The following CEP128 variants were observed in gnomAD, a reference collection of about 807,000 sequenced individuals.
CEP128 encodes centrosomal protein 128kDa.
In CEP128, 132 loss-of-function variants were observed where a neutral mutation model predicts 156.7. The ratio of observed to expected loss-of-function variants is 0.84; its 90% CI spans 0.73 to 0.97. The LOEUF (loss-of-function observed/expected upper bound fraction) is 0.97, where lower values mean the gene tolerates loss of function less well. CEP128 is among the 50% of genes least tolerant of loss of function. CEP128 has a pLI of 0.00. For synonymous variants in CEP128, 469 were observed against 448.9 expected (o/e 1.04, Z -0.57); for missense variants, 1,252 against 1,281.9 (o/e 0.98, Z 0.36).
chr14:80,513,021 T>C (rs1052985221), intron 23 of CEP128, among the ~76,000 whole-genome samples: 7 of 152,124 alleles, frequency 4.6e-5, no homozygotes, highest in African/African-American at 1.7e-4. Context: ...GTAATTGCAG[T>C]GTTATAATGT....
At chr14:80,571,336 T>A (rs1483158773) in intron 20 of CEP128, among the ~76,000 whole-genome samples, 5 of 152,338 alleles carry the variant, frequency 3.3e-5, no homozygotes, top group East Asian at 3.9e-4. Flanking sequence ...CAGAATGTAG[T>A]AAAGGCATGG....
chr14:80,884,983 C>T (rs1278808630), intron 8 of CEP128, among the ~76,000 whole-genome samples: 1 of 152,188 alleles, frequency 6.6e-6, no homozygotes, highest in Non-Finnish European at 1.5e-5. Context: ...ATTACTGAGG[C>T]TAGAGTAGGC....
intron 8 of CEP128, among the ~76,000 whole-genome samples, chr14:80,891,381 G>T (rs1190034486): frequency 6.6e-6 from 1 of 151,982 alleles, no homozygotes; most frequent in Non-Finnish European, 1.5e-5. Context: ...CCAAAAAAAA[G>T]ATGAGGTCCT....
intron 19 of CEP128, among the ~76,000 whole-genome samples, chr14:80,717,996 T>A (rs115896035): frequency 2.0e-5 from 3 of 151,790 alleles, no homozygotes; most frequent in African/African-American, 7.3e-5. Flanking sequence ...TGTGTGTGTA[T>A]GTGTATGTGT....
At chr14:80,883,593 A>G (rs1360988605) in intron 8 of CEP128, among the ~76,000 whole-genome samples, 1 of 152,132 alleles carries the variant, frequency 6.6e-6, no homozygotes, top group East Asian at 1.9e-4. Context: ...TTAAAGAGAA[A>G]CCATTAAAAA....
chr14:80,864,759 G>A (rs767228296), intron 8 of CEP128, among the ~76,000 whole-genome samples: 2 of 152,094 alleles, frequency 1.3e-5, no homozygotes, highest in Non-Finnish European at 2.9e-5. Flanking sequence ...GTTTCACCAT[G>A]TCGGCCAGGA....
intron 19 of CEP128, among the ~76,000 whole-genome samples, chr14:80,700,937 G>C (rs184181580): frequency 3.9e-5 from 6 of 152,290 alleles, no homozygotes; most frequent in East Asian, 1.9e-4. Flanking sequence ...ACATATAGGA[G>C]AGTCTGCTCC....
intron 19 of CEP128, among the ~76,000 whole-genome samples, chr14:80,692,922 G>A (rs79129779): frequency 0.038 from 5,841 of 152,166 alleles, 223 homozygotes; most frequent in African/African-American, 0.098. Flanking sequence ...TATATCCCCC[G>A]GTCTAAGTCA....
intron 19 of CEP128, among the ~76,000 whole-genome samples, chr14:80,649,961 T>C (rs1362490629): frequency 6.6e-6 from 1 of 152,152 alleles, no homozygotes; most frequent in African/African-American, 2.4e-5. Context: ...AGAGAGTCAA[T>C]GGTAGCTGGA....
chr14:80,549,340 A>T (rs918170604), intron 21 of CEP128, among the ~76,000 whole-genome samples: 2 of 152,214 alleles, frequency 1.3e-5, no homozygotes, highest in Admixed American at 6.5e-5. Context: ...AAGTCTGAAC[A>T]AATCCAAAAT....
chr14:80,797,190 G>C lies in CEP128; in HGVS notation c.1210-4080C>G, dbSNP rs1007926971. 2.6e-5 allele frequency among the ~76,000 whole-genome samples: 4 copies of C among 152,164 alleles called. No individual in the cohort carries two copies. The East Asian group carries it at 7.7e-4, about 29-fold the overall frequency. ...GGTTATTTAATCTTCTGTAACTACA[G>C]AGCAACAACAGGGAGCACAGGATTA... is the stretch of plus-strand genomic sequence containing the variant. On this transcript the variant is annotated intron_variant, in intron 13 of 24. Transcript: ENST00000555265.
chr14:80,666,724 CA>C (rs78322396), intron 19 of CEP128, among the ~76,000 whole-genome samples: 50,360 of 103,396 alleles, frequency 0.49, 9,063 homozygotes, highest in African/African-American at 0.58. Flanking sequence ...AAGAGAGAGA[CA>C]AAAAAAAAAA....
At position 80,906,930 on chromosome 14, in the gene CEP128, A is replaced by G. The variant is rs531864539; in HGVS notation, c.235-849T>C. 2.6e-5 allele frequency among the ~76,000 whole-genome samples: 4 copies of G among 152,308 alleles called. No individual in the cohort carries two copies. In the East Asian group the frequency reaches 7.7e-4, roughly 29 times the overall value. The stretch of plus-strand genomic sequence containing the variant: ...ATAGAAAGTAATAATTTTAAACATA[A>G]TGCATGGATCCATGGAACAAGTCAT... On this transcript the variant is annotated intron_variant, in intron 4 of 24. Coordinates refer to ENST00000555265, the MANE Select transcript of CEP128 (RefSeq NM_152446.5).
At chr14:80,736,519 TAC>T (rs60552397) in intron 19 of CEP128, among the ~76,000 whole-genome samples, 28 of 149,436 alleles carry the variant, frequency 1.9e-4, no homozygotes, top group African/African-American at 4.6e-4. Flanking sequence ...TACACACACA[TAC>T]ACACACACAC....
Position 80,597,047 on chromosome 14 carries a change from T to A in CEP128, c.2807-16624A>T, listed in dbSNP as rs534809920. ...ACAAAAAACCAGCAAGCAGAAGTAATAAAGATAAGAACAAAAATCAATGAA... is the reference window on the plus strand; with the variant it reads ...ACAAAAAACCAGCAAGCAGAAGTAAAAAAGATAAGAACAAAAATCAATGAA... On this transcript the variant is annotated intron_variant, in intron 19 of 24. Coordinates refer to ENST00000555265, the MANE Select transcript of CEP128 (RefSeq NM_152446.5). Among the ~76,000 whole-genome samples the A allele has an allele frequency of 1.5e-3, 224 of 145,176 alleles. 1 individual carries two copies. The highest frequency in any genetic ancestry group is 2.7e-3 in the Non-Finnish European group (181 of 66,108).
chr14:80,500,226 T>A (rs1489207008), intron 24 of CEP128, among the ~76,000 whole-genome samples: 1 of 152,236 alleles, frequency 6.6e-6, no homozygotes, highest in African/African-American at 2.4e-5. Context: ...CGGTCAATGA[T>A]TCTATGCTTT....
intron 19 of CEP128, among the ~76,000 whole-genome samples, chr14:80,738,629 A>G (rs1028468837): frequency 5.3e-5 from 8 of 152,176 alleles, no homozygotes; most frequent in African/African-American, 1.9e-4. Context: ...GTACAGTATA[A>G]TAAGACACCT....
intron 19 of CEP128, among the ~76,000 whole-genome samples, chr14:80,603,546 T>C (rs1188319382): frequency 6.6e-6 from 1 of 152,196 alleles, no homozygotes; most frequent in Non-Finnish European, 1.5e-5. Context: ...ATTCCTTTTA[T>C]AAATGGAATA....
At chr14:80,651,588 C>G (rs1476261145) in intron 19 of CEP128, among the ~76,000 whole-genome samples, 1 of 152,068 alleles carries the variant, frequency 6.6e-6, no homozygotes, top group African/African-American at 2.4e-5. Context: ...ACTGCTTTAG[C>G]TGTGTCCCAG....
Sources: allele counts gnomAD v4.1 joint callset (sites outside exome capture counted in the v4.1 genomes callset), GRCh38; gene constraint gnomAD v4.1.1; transcripts MANE v1.5; gene names NCBI Gene and HGNC (gene_info 2026-07-23, HGNC 2026-07-21).